The following PHEX variants were observed in gnomAD, a reference collection of about 807,000 sequenced individuals.
The protein encoded by PHEX is phosphate regulating endopeptidase X-linked.
Under a neutral mutation model 68.0 loss-of-function variants are expected in PHEX, and 16 were observed. The ratio of observed to expected loss-of-function variants is 0.24; its 90% CI spans 0.16 to 0.36. PHEX has a LOEUF of 0.36. Among genes scored for constraint, PHEX ranks in the 10% least tolerant of loss-of-function variants. The pLI is 1.00. For missense variants in PHEX, 480 were observed against 575.5 expected, an observed-to-expected ratio of 0.83 and a Z score of 1.70; for synonymous variants, 208 against 205.1, an observed-to-expected ratio of 1.01 and a Z score of -0.12.
chrX:22,224,947 A>AATTATCATACAGTGCTGTATGATTT (rs1556144912), intron 18 of PHEX, among the ~76,000 whole-genome samples: 2,442 of 23,259 alleles, frequency 0.1, 297 homozygotes, highest in African/African-American at 0.39. Flanking sequence ...AAATAACATA[A>AATTATCATACAGTGCTGTATGATTT]ATTATCATAC....
chrX:22,207,163 T>C (rs1013941561), intron 15 of PHEX, among the ~76,000 whole-genome samples: 1 of 112,186 alleles, frequency 8.9e-6, no homozygotes, highest in African/African-American at 3.2e-5. Context: ...TTGACCCCAG[T>C]AGAAAACCAA....
At chrX:22,212,330 T>G (rs1049932748) in intron 15 of PHEX, among the ~76,000 whole-genome samples, 3 of 111,378 alleles carry the variant, frequency 2.7e-5, no homozygotes, top group African/African-American at 9.8e-5. Flanking sequence ...TGGAGTCCTG[T>G]GCTCCTGGGG....
chrX:22,046,650 C>T (rs1390291247), intron 2 of PHEX, among the ~76,000 whole-genome samples: 1 of 106,678 alleles, frequency 9.4e-6, no homozygotes, highest in Non-Finnish European at 1.9e-5. Context: ...TCACTGCAAC[C>T]TCTGCCTCCT....
chrX:22,133,229 C>T (rs181519520), intron 11 of PHEX, among the ~76,000 whole-genome samples: 6 of 111,208 alleles, frequency 5.4e-5, no homozygotes, highest in African/African-American at 1.3e-4. Context: ...CCATGTTGTC[C>T]GCGCTGGTCT....
At chrX:22,038,889 A>G (rs1361946575) in intron 2 of PHEX, among the ~76,000 whole-genome samples, 2 of 111,655 alleles carry the variant, frequency 1.8e-5, no homozygotes, top group Non-Finnish European at 3.8e-5. Context: ...GCAGTTGCCT[A>G]TCTTCTGGTC....
At chrX:22,132,522 T>A (rs1029761673) in intron 11 of PHEX, among the ~76,000 whole-genome samples, 9 of 111,988 alleles carry the variant, frequency 8.0e-5, no homozygotes, top group African/African-American at 2.6e-4. Flanking sequence ...CCCACGGAAC[T>A]AAATCTGGAA....
chrX:22,038,174 C>T (rs959495700), intron 1 of PHEX, among the ~76,000 whole-genome samples: 7 of 110,606 alleles, frequency 6.3e-5, no homozygotes, highest in African/African-American at 2.3e-4. Context: ...CCAGGTGCAG[C>T]AGCAGCAGCT....
chrX:22,085,812 G>C (rs767469454), intron 5 of PHEX, among the ~76,000 whole-genome samples: 1 of 111,516 alleles, frequency 9.0e-6, no homozygotes, highest in Non-Finnish European at 1.9e-5. Context: ...ATGTCAGTTA[G>C]GCCTATTTGG....
chrX:22,179,590 C>G (rs775918193), intron 14 of PHEX, among the ~76,000 whole-genome samples: 1 of 110,772 alleles, frequency 9.0e-6, no homozygotes, highest in Non-Finnish European at 1.9e-5. Flanking sequence ...TGTGGTTTTC[C>G]ATTCCTAAGT....
rs999243201 is a variant in PHEX, at chrX:22,248,227, A to G, written c.*274A>G. The G allele has an allele frequency of 8.4e-6, 3 of 358,828 alleles. No homozygotes were observed. Among genetic ancestry groups the G allele is most frequent in the African/African-American group, 7.7e-5 (3 of 38,877 alleles). The allele number at this position is 358,828 out of a possible 1,213,427, so 29.6% of individuals were successfully genotyped here. On this transcript the variant is annotated 3_prime_UTR_variant, in exon 22 of 22. Coordinates refer to ENST00000379374, the MANE Select transcript of PHEX (RefSeq NM_000444.6). ...TACTTTTGTTAAAATGCTATCTGCT[A>G]AATTGTTGCTATTGTCCATTTTAGG...
At chrX:22,212,639 A>T (rs5904512) in intron 15 of PHEX, among the ~76,000 whole-genome samples, 2 of 110,940 alleles carry the variant, frequency 1.8e-5, no homozygotes, top group African/African-American at 3.3e-5. Flanking sequence ...CATGCCATGT[A>T]TGAAGGAGCC....
chrX:22,214,273 ATC>A (rs771537874), intron 16 of PHEX, among the ~76,000 whole-genome samples: 1 of 111,437 alleles, frequency 9.0e-6, no homozygotes, highest in Admixed American at 9.5e-5. Flanking sequence ...TCTGACTCTC[ATC>A]TTCTGTCTCT....
At chrX:22,097,466 G>C (rs1473307094) in intron 8 of PHEX, among the ~76,000 whole-genome samples, 1 of 111,934 alleles carries the variant, frequency 8.9e-6, no homozygotes, top group East Asian at 2.8e-4. Context: ...AGAGCAGGAA[G>C]AAGGTGAAAG....
chrX:22,057,869 G>A (rs1928186557), intron 3 of PHEX, among the ~76,000 whole-genome samples: 1 of 111,869 alleles, frequency 8.9e-6, no homozygotes, highest in African/African-American at 3.3e-5. Context: ...TGTGCCCTCT[G>A]TGGTTGGCTG....
chrX:22,207,337 G>T (rs1265674279), intron 15 of PHEX, among the ~76,000 whole-genome samples: 1 of 112,417 alleles, frequency 8.9e-6, no homozygotes, highest in Non-Finnish European at 1.9e-5. Flanking sequence ...AGTGGAATTT[G>T]CTGGTGTTAA....
At chrX:22,132,756 G>T (rs772750222) in intron 11 of PHEX, among the ~76,000 whole-genome samples, 1 of 112,167 alleles carries the variant, frequency 8.9e-6, no homozygotes, top group African/African-American at 3.2e-5. Context: ...AACTAGTTTA[G>T]TAGCTACAGA....
At chrX:22,155,177 GCTGGGATTACAGGCGTGAGCCA>G (rs2147106276) in intron 12 of PHEX, among the ~76,000 whole-genome samples, 1 of 112,945 alleles carries the variant, frequency 8.9e-6, no homozygotes, top group South Asian at 3.6e-4. Context: ...CTCCCAAAGT[GCTGGGATTACAGGCGTGAGCCA>G]TCGTGCCCAG....
chrX:22,100,348 T>C (rs1452116041), intron 9 of PHEX, among the ~76,000 whole-genome samples: 1 of 111,990 alleles, frequency 8.9e-6, no homozygotes, highest in African/African-American at 3.3e-5. Context: ...TGATTAACTT[T>C]TCTTAGGGGA....
At chrX:22,054,350 GT>G (rs1927977551) in intron 3 of PHEX, among the ~76,000 whole-genome samples, 1 of 111,421 alleles carries the variant, frequency 9.0e-6, no homozygotes, top group African/African-American at 3.3e-5. Context: ...GGCCAGGCTG[GT>G]CTTGAACTCT....
Sources: allele counts gnomAD v4.1 joint callset (sites outside exome capture counted in the v4.1 genomes callset), GRCh38; gene constraint gnomAD v4.1.1; transcripts MANE v1.5; gene names NCBI Gene and HGNC (gene_info 2026-07-23, HGNC 2026-07-21).